Variants in UNC13C observed in about 807,000 individuals in gnomAD.
UNC13C encodes the protein protein unc-13 homolog C.
UNC13C carries 174 observed loss-of-function variants against 245.4 expected under a neutral mutation model. The observed-to-expected ratio is 0.71, with a 90% CI of 0.63 to 0.80. The LOEUF (loss-of-function observed/expected upper bound fraction) is 0.80, where lower values mean the gene tolerates loss of function less well. Among genes scored for constraint, UNC13C ranks in the 30% least tolerant of loss-of-function variants. The pLI is 0.00. For missense variants in UNC13C, 2,829 were observed against 2,602.9 expected, an observed-to-expected ratio of 1.09 and a Z score of -1.89; for synonymous variants, 992 against 895.1, an observed-to-expected ratio of 1.11 and a Z score of -1.93.
chr15:54,293,105 T>C (rs1160932342), intron 10 of UNC13C, among the ~76,000 whole-genome samples: 2 of 151,792 alleles, frequency 1.3e-5, no homozygotes, highest in East Asian at 1.9e-4. Context: ...GAGGAAATCA[T>C]GTACAGGATA....
At chr15:54,625,808 C>T (rs1192702602) in intron 32 of UNC13C, among the ~76,000 whole-genome samples, 2 of 152,154 alleles carry the variant, frequency 1.3e-5, no homozygotes, top group African/African-American at 4.8e-5. Context: ...CTTCAACTTA[C>T]TCAAAAACCT....
At chr15:54,438,958 T>A (rs953463) in intron 19 of UNC13C, among the ~76,000 whole-genome samples, 81,666 of 151,716 alleles carry the variant, frequency 0.54, 22,093 homozygotes, top group East Asian at 0.7. Flanking sequence ...TTTAATTTAA[T>A]GGGTTTTAGA....
intron 26 of UNC13C, among the ~76,000 whole-genome samples, chr15:54,538,083 A>G (rs1302644666): frequency 4.9e-5 from 7 of 143,242 alleles, no homozygotes; most frequent in African/African-American, 1.0e-4. Context: ...TATGTATCTG[A>G]CAATGGTCTA....
At chr15:54,427,559 A>G (rs2040784397) in intron 19 of UNC13C, among the ~76,000 whole-genome samples, 1 of 151,842 alleles carries the variant, frequency 6.6e-6, no homozygotes, top group Non-Finnish European at 1.5e-5. Flanking sequence ...TACAAAGCAC[A>G]AAGAACTTCA....
At chr15:54,142,227 G>C (rs1312558374) in intron 2 of UNC13C, among the ~76,000 whole-genome samples, 1 of 152,140 alleles carries the variant, frequency 6.6e-6, no homozygotes, top group Non-Finnish European at 1.5e-5. Flanking sequence ...TTGTGTCCAT[G>C]AGTAGCTGGA....
chr15:54,284,493 G>C (rs2037089193), intron 10 of UNC13C, among the ~76,000 whole-genome samples: 1 of 152,190 alleles, frequency 6.6e-6, no homozygotes, highest in South Asian at 2.1e-4. Context: ...AGACAGGTAA[G>C]TGTTCACCAG....
intron 1 of UNC13C, among the ~76,000 whole-genome samples, chr15:53,991,763 A>T (rs1246335065): frequency 6.6e-6 from 1 of 151,980 alleles, no homozygotes; most frequent in African/African-American, 2.4e-5. Flanking sequence ...ATTGTTTCTG[A>T]TAGTTAAACA....
At chr15:54,102,705 T>C (rs1200954872) in intron 2 of UNC13C, among the ~76,000 whole-genome samples, 1 of 152,258 alleles carries the variant, frequency 6.6e-6, no homozygotes, top group East Asian at 1.9e-4. Flanking sequence ...GTGTTCATTC[T>C]AGTGTTGATG....
chr15:53,885,946 A>G, the UNC13C span, among the ~76,000 whole-genome samples: 5 of 152,254 alleles, frequency 3.3e-5, no homozygotes, highest in East Asian at 5.8e-4. Flanking sequence ...ATACCTGTGT[A>G]CTGGAATTGA....
At chr15:54,336,378 AT>A (rs140150697) in intron 16 of UNC13C, among the ~76,000 whole-genome samples, 38,717 of 151,632 alleles carry the variant, frequency 0.26, 5,308 homozygotes, top group Admixed American at 0.34. Context: ...TTTGAATACA[AT>A]TTTTTGTCAG....
At chr15:54,230,344 G>A (rs77989608) in intron 4 of UNC13C, among the ~76,000 whole-genome samples, 132 of 151,992 alleles carry the variant, frequency 8.7e-4, no homozygotes, top group African/African-American at 3.1e-3. Context: ...ATAATTAGTT[G>A]TATTGTGTAT....
chr15:54,041,333 T>C (rs1232706480), intron 2 of UNC13C, among the ~76,000 whole-genome samples: 1 of 152,216 alleles, frequency 6.6e-6, no homozygotes, highest in African/African-American at 2.4e-5. Flanking sequence ...TGGCATATTT[T>C]CTATTTTCTT....
At position 54,038,124 on chromosome 15, in the gene UNC13C, ATT is replaced by A. The variant is rs58063301; in HGVS notation, c.2983+22253_2983+22254del. 2.8e-3 allele frequency among the ~76,000 whole-genome samples: 125 copies of A among 45,038 alleles called. 2 individuals are homozygous for A. Among genetic ancestry groups the A allele is most frequent in the African/African-American group, 4.1e-3 (39 of 9,452 alleles). 29.5% of individuals were successfully genotyped at this position (45,038 alleles called of 152,430 possible). ...CATATATATATATATATATATATAT[ATT>A]TTTTTTTTTTTTTTCCTGAGACAGA... On this transcript the variant is annotated intron_variant, in intron 2 of 32. Coordinates refer to ENST00000260323, the MANE Select transcript of UNC13C (RefSeq NM_001080534.3).
At chr15:54,479,189 A>C (rs574490638) in intron 19 of UNC13C, among the ~76,000 whole-genome samples, 24 of 152,096 alleles carry the variant, frequency 1.6e-4, no homozygotes, top group African/African-American at 5.5e-4. Flanking sequence ...GAAATCCCCG[A>C]CTATTATTTT....
intron 17 of UNC13C, among the ~76,000 whole-genome samples, chr15:54,351,253 G>T (rs1596267145): frequency 6.6e-6 from 1 of 152,254 alleles, no homozygotes; most frequent in Non-Finnish European, 1.5e-5. Context: ...CCAGTGAAGT[G>T]CGCAGGAATC....
At chr15:53,950,771 C>T in the UNC13C span, among the ~76,000 whole-genome samples, 1 of 152,038 alleles carries the variant, frequency 6.6e-6, no homozygotes, top group Non-Finnish European at 1.5e-5. Context: ...GCTGAGAGAG[C>T]AAGCTCAGGG....
At chr15:54,587,553 TTG>T (rs1566925345) in intron 30 of UNC13C, among the ~76,000 whole-genome samples, 5 of 152,206 alleles carry the variant, frequency 3.3e-5, no homozygotes, top group African/African-American at 1.2e-4. Flanking sequence ...ACTAAGGAGT[TTG>T]GGACCAGCCT....
intron 32 of UNC13C, among the ~76,000 whole-genome samples, chr15:54,624,675 T>C (rs1249476264): frequency 6.6e-6 from 1 of 152,146 alleles, no homozygotes; most frequent in Non-Finnish European, 1.5e-5. Context: ...GCTATTGCAA[T>C]AGTCCAGGCA....
intron 2 of UNC13C, among the ~76,000 whole-genome samples, chr15:54,134,027 C>T (rs2031585364): frequency 6.7e-6 from 1 of 148,690 alleles, no homozygotes; most frequent in African/African-American, 2.5e-5. Context: ...GCAACTAATA[C>T]ATCCATCACT....
Sources: allele counts gnomAD v4.1 joint callset (sites outside exome capture counted in the v4.1 genomes callset), GRCh38; gene constraint gnomAD v4.1.1; transcripts MANE v1.5; gene names NCBI Gene and HGNC (gene_info 2026-07-23, HGNC 2026-07-21).